The following DNAH14 variants were observed in gnomAD, a reference collection of about 807,000 sequenced individuals.
DNAH14 encodes the protein dynein axonemal heavy chain 14.
A neutral mutation model predicts 520.9 loss-of-function variants in DNAH14; 478 were observed. The ratio of observed to expected loss-of-function variants is 0.92; its 90% CI spans 0.85 to 0.99. DNAH14 has a LOEUF of 0.99. Among genes scored for constraint, DNAH14 ranks in the 50% least tolerant of loss-of-function variants. The pLI, the probability that DNAH14 is intolerant of heterozygous loss-of-function variation, is 0.00. For missense variants in DNAH14, 4,831 were observed against 5,234.5 expected (o/e 0.92, Z 2.38); for synonymous variants, 1,581 against 1,757.2 (o/e 0.90, Z 2.51).
At chr1:225,154,008 G>C (rs1430249140) in intron 34 of DNAH14, among the ~76,000 whole-genome samples, 182 bp downstream of exon 34, 1 of 151,796 alleles carries the variant, frequency 6.6e-6, no homozygotes, top group East Asian at 1.9e-4. Context: ...CAAAATCGGA[G>C]TACTTTTCCC....
At chr1:225,271,844 A>G in intron 50 of DNAH14, 62 bp from the exon 51 acceptor site, 1 of 1,327,160 alleles carries the variant, frequency 7.5e-7, no homozygotes, top group South Asian at 1.5e-5. Context: ...AGTGGAAGGT[A>G]GCCAGAAGTA....
rs570296060 is a variant in DNAH14, at chr1:225,337,355, G to T, written c.10170G>T (p.Leu3390=). The part of the protein sequence containing the change: ...ILIKNGQQWP[L]LIDPHRQAHK... ...TCAAGAATGGCCAGCAGTGGCCACTGCTGATTGACCCACATAGGCAAGCTC... is the reference window on the plus strand; with the variant it reads ...TCAAGAATGGCCAGCAGTGGCCACTTCTGATTGACCCACATAGGCAAGCTC... Residue 3390 remains leucine, a synonymous_variant, in exon 67 of 86, where the codon CTG becomes CTT. Coordinates refer to ENST00000682510, the MANE Select transcript of DNAH14 (RefSeq NM_001367479.1). 265 of 1,551,676 alleles carry T rather than the reference G, an allele frequency of 1.7e-4. 1 individual carries two copies. The Middle Eastern group carries it at 1.8e-3, about 11-fold the overall frequency.
rs370155784 is a variant in DNAH14, at chr1:224,931,093, T to C, written c.-34+1258T>C. On this transcript the variant is annotated intron_variant, in intron 1 of 85. Coordinates refer to ENST00000682510, the MANE Select transcript of DNAH14 (RefSeq NM_001367479.1). ...GATGTGGAGTTGAAAGACAGTGATATTGGTGATACTGATCCTGTCTATGCC... is the reference window on the plus strand; with the variant it reads ...GATGTGGAGTTGAAAGACAGTGATACTGGTGATACTGATCCTGTCTATGCC... 2.5e-4 allele frequency among the ~76,000 whole-genome samples: 38 copies of C among 152,318 alleles called. No homozygotes were observed. In the East Asian group the frequency reaches 2.5e-3, roughly 10 times the overall value.
At chr1:224,939,239 A>T (rs2489306) in intron 1 of DNAH14, among the ~76,000 whole-genome samples, 273 of 152,334 alleles carry the variant, frequency 1.8e-3, no homozygotes, top group African/African-American at 6.0e-3. Flanking sequence ...TCTGTTGTCT[A>T]ATAAACCAGT....
At chr1:225,097,369 A>G in intron 22 of DNAH14, 130 bp downstream of exon 22, 3 of 838,694 alleles carry the variant, frequency 3.6e-6, no homozygotes, top group Non-Finnish European at 5.1e-6. Context: ...TAGGGGTATA[A>G]TTTGCTGAAT....
chr1:225,340,747 A>G, intron 69 of DNAH14, 46 bp downstream of exon 69: 1 of 1,490,338 alleles, frequency 6.7e-7, no homozygotes, highest in Non-Finnish European at 8.9e-7. Context: ...TGCAAAGGAT[A>G]GAATAAAAAG....
intron 47 of DNAH14, 59 bp downstream of exon 47, chr1:225,264,320 G>A: frequency 7.8e-7 from 1 of 1,283,506 alleles, no homozygotes; most frequent in Non-Finnish European, 1.1e-6. Context: ...ACAACCATGT[G>A]TATATTATTT....
At chr1:225,387,388 T>G (rs1370203250) in intron 81 of DNAH14, among the ~76,000 whole-genome samples, 1 of 150,928 alleles carries the variant, frequency 6.6e-6, no homozygotes, top group East Asian at 1.9e-4. Flanking sequence ...AGTATAATAA[T>G]AAATAAATAA....
intron 10 of DNAH14, among the ~76,000 whole-genome samples, chr1:225,016,334 T>G (rs2065215528): frequency 6.6e-6 from 1 of 152,264 alleles, no homozygotes; most frequent in African/African-American, 2.4e-5. Flanking sequence ...AATAATATTC[T>G]TGGCTGATAG....
chr1:225,356,524 C>T (rs1014336189), intron 73 of DNAH14, among the ~76,000 whole-genome samples: 5 of 152,130 alleles, frequency 3.3e-5, no homozygotes, highest in African/African-American at 9.7e-5. Context: ...CTCAACTCTA[C>T]ATGTGGATTA....
At chr1:225,379,404 T>C (rs2095750929) in intron 79 of DNAH14, among the ~76,000 whole-genome samples, 1 of 152,254 alleles carries the variant, frequency 6.6e-6, no homozygotes, top group Non-Finnish European at 1.5e-5. Context: ...AGCATAATTT[T>C]GTGGTTCTGT....
At chr1:225,247,047 TA>T (rs1239631036) in intron 43 of DNAH14, among the ~76,000 whole-genome samples, 11 of 152,170 alleles carry the variant, frequency 7.2e-5, no homozygotes, top group African/African-American at 2.6e-4. Flanking sequence ...TATGCAGCCA[TA>T]AAAAAGAATG....
At chr1:225,172,826 G>C (rs1287012262) in intron 36 of DNAH14, among the ~76,000 whole-genome samples, 1 of 152,138 alleles carries the variant, frequency 6.6e-6, no homozygotes, top group East Asian at 1.9e-4. Context: ...AAAGAACAAA[G>C]CTGGAGGCAT....
intron 41 of DNAH14, among the ~76,000 whole-genome samples, chr1:225,215,573 G>A (rs891410670): frequency 2.6e-5 from 4 of 152,116 alleles, no homozygotes; most frequent in African/African-American, 7.2e-5. Flanking sequence ...ATGAATCTGG[G>A]TGCTCTTGTA....
rs147927091 is a variant in DNAH14, at chr1:225,310,735, A to T, written c.9240+2325A>T. Reference sequence around the variant, plus strand: ...TTCTTGTGTTAGTTTGCTGAGAGTGATGGTTTCCAGGCATATCCATGTCCC... The same window carrying T: ...TTCTTGTGTTAGTTTGCTGAGAGTGTTGGTTTCCAGGCATATCCATGTCCC... On this transcript the variant is annotated intron_variant, in intron 60 of 85. Coordinates refer to ENST00000682510, the MANE Select transcript of DNAH14 (RefSeq NM_001367479.1). Among the ~76,000 whole-genome samples the T allele has an allele frequency of 2.0e-5, 3 of 152,234 alleles. No homozygotes were observed. The East Asian group carries it at 5.8e-4, about 29-fold the overall frequency.
At chr1:225,063,919 A>T (rs2148439330) in intron 17 of DNAH14, among the ~76,000 whole-genome samples, 1 of 152,064 alleles carries the variant, frequency 6.6e-6, no homozygotes, top group East Asian at 1.9e-4. Context: ...GATAAAGAAT[A>T]AAAAAGAAAA....
At chr1:225,057,305 A>G (rs973735138) in intron 17 of DNAH14, among the ~76,000 whole-genome samples, 3 of 152,134 alleles carry the variant, frequency 2.0e-5, no homozygotes, top group East Asian at 1.9e-4. Flanking sequence ...TTGTGAATGG[A>G]AGTTCGCTCA....
chr1:224,976,763 A>G (rs2061876752), intron 8 of DNAH14, among the ~76,000 whole-genome samples: 1 of 151,618 alleles, frequency 6.6e-6, no homozygotes, highest in African/African-American at 2.4e-5. Flanking sequence ...GCCATCAGAG[A>G]AATGCAAATC....
In DNAH14 at chr1:225,322,781, G is replaced by GA. The variant is rs1255413793; in HGVS notation, c.9459dup (p.Leu3154IlefsTer3). The GA allele has an allele frequency of 2.6e-6, 4 of 1,551,764 alleles. No individual in the cohort carries two copies. Among genetic ancestry groups the GA allele is most frequent in the Non-Finnish European group, 2.6e-6 (3 of 1,146,950 alleles). ...TACTTCTTTCAGAAACTGGTTTCCT[G>GA]AAAAAATTGATTAACCTTGACAAGG... On this transcript the variant is annotated frameshift_variant, in exon 62 of 86. Coordinates refer to ENST00000682510, the MANE Select transcript of DNAH14 (RefSeq NM_001367479.1). LOFTEE classifies it high-confidence loss of function.
Sources: gnomAD v4.1 joint callset for allele counts (sites outside exome capture counted in the v4.1 genomes callset) on GRCh38, gnomAD v4.1.1 for gene constraint, MANE v1.5 for transcripts, NCBI Gene and HGNC (gene_info 2026-07-23, HGNC 2026-07-21) for gene names.